The following SNTB2 variants were observed in gnomAD, a reference collection of about 807,000 sequenced individuals.
The protein encoded by SNTB2 is beta-2-syntrophin.
A neutral mutation model predicts 46.2 loss-of-function variants in SNTB2; 34 were observed. The observed-to-expected ratio is 0.74, with a 90% CI of 0.56 to 0.98. The LOEUF (loss-of-function observed/expected upper bound fraction) is 0.98. SNTB2 is among the 50% of genes least tolerant of loss of function. The pLI is 0.00. For missense variants in SNTB2, 603 were observed against 731.4 expected, an observed-to-expected ratio of 0.82 and a Z score of 2.02; for synonymous variants, 290 against 312.6, an observed-to-expected ratio of 0.93 and a Z score of 0.76.
Position 69,278,177 on chromosome 16 carries a change from C to T in SNTB2, c.1149-5871C>T, listed in dbSNP as rs540401355. Among the ~76,000 whole-genome samples, 8 of 151,968 alleles carry T rather than the reference C, an allele frequency of 5.3e-5. No homozygotes were observed. In the East Asian group the frequency reaches 1.6e-3, roughly 29 times the overall value. On this transcript the variant is annotated intron_variant, in intron 4 of 6. Coordinates refer to ENST00000336278, the MANE Select transcript of SNTB2 (RefSeq NM_006750.4). ...ACACAAAATATAAAAATGAGCTGGGCGTGGTGGCGCATGCCTATAGTCCTA... is the reference window on the plus strand; with the variant it reads ...ACACAAAATATAAAAATGAGCTGGGTGTGGTGGCGCATGCCTATAGTCCTA...
chr16:69,279,650 C>T (rs1435706788), intron 4 of SNTB2, among the ~76,000 whole-genome samples: 1 of 150,246 alleles, frequency 6.7e-6, no homozygotes, highest in Non-Finnish European at 1.5e-5. Flanking sequence ...CTCAGCCTCC[C>T]GAGCAGCTGG....
rs568105632 is a variant in SNTB2 at position 69,281,493 on chromosome 16, T to TTG, written c.1149-2554_1149-2553insGT. On this transcript the variant is annotated intron_variant, in intron 4 of 6. Transcript: ENST00000336278. Reference sequence around the variant, plus strand: ...AAAGTATGTAAGGTCTGGTTTTTTTTTTTTTGTTTTTTTTTTTTTACATAT... The same window carrying TTG: ...AAAGTATGTAAGGTCTGGTTTTTTTTTGTTTTTGTTTTTTTTTTTTTACATAT... 6.1e-4 allele frequency among the ~76,000 whole-genome samples: 92 copies of TTG among 150,478 alleles called. No individual in the cohort carries two copies. The South Asian group carries it at 6.5e-3, about 11-fold the overall frequency.
chr16:69,218,171 A>G lies in SNTB2; in HGVS notation c.581-27431A>G, dbSNP rs376272800. Reference sequence around the variant, plus strand: ...TCCAGGAGAGAGAGGAGGATTTAGCATGCATAAAGATAAATATAATCACAG... The same window carrying G: ...TCCAGGAGAGAGAGGAGGATTTAGCGTGCATAAAGATAAATATAATCACAG... On this transcript the variant is annotated intron_variant, in intron 1 of 6. Transcript: ENST00000336278. Among the ~76,000 whole-genome samples the G allele has an allele frequency of 1.1e-4, 16 of 152,200 alleles. No homozygotes were observed. The East Asian group carries it at 2.5e-3, about 24-fold the overall frequency.
At chr16:69,222,126 T>C (rs1241580311) in intron 1 of SNTB2, among the ~76,000 whole-genome samples, 1 of 152,250 alleles carries the variant, frequency 6.6e-6, no homozygotes, top group African/African-American at 2.4e-5. Flanking sequence ...CACAATTATT[T>C]ATGGCATCGT....
intron 6 of SNTB2, 70 bp from the exon 7 acceptor site, chr16:69,300,762 T>G: frequency 1.9e-6 from 2 of 1,037,828 alleles, no homozygotes. Context: ...AAATTTATTT[T>G]GCATCTTCGT....
intron 5 of SNTB2, among the ~76,000 whole-genome samples, chr16:69,297,704 G>T (rs938067867): frequency 5.3e-5 from 8 of 151,954 alleles, no homozygotes; most frequent in Non-Finnish European, 7.4e-5. Context: ...TTGCAGTCAG[G>T]AGTTCAAGAC....
At chr16:69,190,562 T>G (rs1351046866) in intron 1 of SNTB2, among the ~76,000 whole-genome samples, 1 of 152,084 alleles carries the variant, frequency 6.6e-6, no homozygotes, top group Non-Finnish European at 1.5e-5. Flanking sequence ...TAATAGAAGT[T>G]TGCACAACCC....
chr16:69,209,800 A>G (rs886490603), intron 1 of SNTB2, among the ~76,000 whole-genome samples: 2 of 152,166 alleles, frequency 1.3e-5, no homozygotes, highest in Non-Finnish European at 2.9e-5. Flanking sequence ...AAGGAGAGAT[A>G]TAGTACAAAG....
intron 1 of SNTB2, among the ~76,000 whole-genome samples, chr16:69,228,701 C>T (rs1489016480): frequency 6.6e-6 from 1 of 151,992 alleles, no homozygotes; most frequent in African/African-American, 2.4e-5. Flanking sequence ...TATGTACATA[C>T]ACACTAAGTA....
chr16:69,195,443 ATT>A (rs71383971), intron 1 of SNTB2, among the ~76,000 whole-genome samples: 8 of 139,036 alleles, frequency 5.8e-5, no homozygotes, highest in Admixed American at 1.5e-4. Flanking sequence ...CCTGGTTTGC[ATT>A]TTTTTTTTTT....
intron 2 of SNTB2, among the ~76,000 whole-genome samples, chr16:69,255,212 C>T (rs1964761664): frequency 6.6e-6 from 1 of 152,034 alleles, no homozygotes; most frequent in Admixed American, 6.6e-5. Flanking sequence ...ATCTTCCCGC[C>T]TCAGCCTCGC....
At chr16:69,281,004 A>G (rs1401136088) in intron 4 of SNTB2, among the ~76,000 whole-genome samples, 1 of 151,994 alleles carries the variant, frequency 6.6e-6, no homozygotes, top group Admixed American at 6.6e-5. Context: ...TCACCGTGTT[A>G]GCCAGGATGG....
chr16:69,193,898 T>G (rs1297321593), intron 1 of SNTB2, among the ~76,000 whole-genome samples: 1 of 152,252 alleles, frequency 6.6e-6, no homozygotes, highest in African/African-American at 2.4e-5. Context: ...TCTCTGTTTC[T>G]CTCTGAGAAT....
intron 4 of SNTB2, among the ~76,000 whole-genome samples, chr16:69,274,311 CAA>C (rs367924448): frequency 2.3e-4 from 29 of 125,732 alleles, no homozygotes; most frequent in Admixed American, 3.3e-4. Flanking sequence ...GACTCTATCT[CAA>C]AAAAAAAAAA....
In SNTB2 at chr16:69,187,231, C is replaced by G. The variant is rs1043939108; in HGVS notation, c.65C>G (p.Ala22Gly). 2 of 1,452,696 alleles carry G rather than the reference C, an allele frequency of 1.4e-6. No individual in the cohort carries two copies. Among genetic ancestry groups the G allele is most frequent in the Non-Finnish European group, 1.8e-6 (2 of 1,104,972 alleles). 90.0% of individuals were successfully genotyped at this position (1,452,696 alleles called of 1,614,324 possible). A position where few individuals can be genotyped will look rare whatever the true frequency, so the allele number is the denominator to read the frequency against. ...AGPAMAVWTRATKAGLVELLL... is the reference protein window; with the variant it reads ...AGPAMAVWTRGTKAGLVELLL... ...CCGGCCATGGCGGTGTGGACGCGGG[C>G]CACCAAAGCGGGGCTGGTGGAGCTG... Residue 22 changes from alanine (A) to glycine (G), a missense_variant, in exon 1 of 7, where the codon GCC becomes GGC. Physicochemically the swap from Ala to Gly is moderately conservative, Grantham distance 60. Coordinates refer to ENST00000336278, the MANE Select transcript of SNTB2 (RefSeq NM_006750.4).
intron 2 of SNTB2, among the ~76,000 whole-genome samples, chr16:69,258,769 G>C (rs1196207005): frequency 6.6e-6 from 1 of 151,636 alleles, no homozygotes; most frequent in Non-Finnish European, 1.5e-5. Context: ...GTGCCATCAC[G>C]CCTGGCTAAT....
chr16:69,299,878 G>A, intron 6 of SNTB2, 104 bp downstream of exon 6: 2 of 1,252,106 alleles, frequency 1.6e-6, no homozygotes, highest in South Asian at 3.3e-5. Context: ...ATTCCATTTA[G>A]AACCATGAAA....
chr16:69,249,823 G>T (rs1184225327), intron 2 of SNTB2, among the ~76,000 whole-genome samples: 2 of 152,190 alleles, frequency 1.3e-5, no homozygotes, highest in South Asian at 2.1e-4. Context: ...ATTTGGCCGG[G>T]TGCAGTGGCT....
intron 1 of SNTB2, among the ~76,000 whole-genome samples, chr16:69,195,366 G>A (rs2152288956): frequency 6.6e-6 from 1 of 152,106 alleles, no homozygotes; most frequent in East Asian, 1.9e-4. Flanking sequence ...GAACTCTTGG[G>A]CTCAGGTGAT....
Sources: allele counts gnomAD v4.1 joint callset (sites outside exome capture counted in the v4.1 genomes callset), GRCh38; gene constraint gnomAD v4.1.1; transcripts MANE v1.5; gene names NCBI Gene and HGNC (gene_info 2026-07-23, HGNC 2026-07-21).